The following LARP4B variants were observed in gnomAD, a reference collection of about 807,000 sequenced individuals.
The protein encoded by LARP4B is La ribonucleoprotein 4B.
Under a neutral mutation model 89.8 loss-of-function variants are expected in LARP4B, and 12 were observed. The observed-to-expected ratio is 0.13, with a 90% CI of 0.09 to 0.22. The LOEUF is 0.22. Ranked by LOEUF, LARP4B falls within the 10% of genes least tolerant of loss-of-function variation. The pLI is 1.00. For missense variants in LARP4B, 757 were observed against 947.7 expected, an observed-to-expected ratio of 0.80 and a Z score of 2.64; for synonymous variants, 367 against 363.3, an observed-to-expected ratio of 1.01 and a Z score of -0.12.
chr10:881,713 G>A (rs1747001291), intron 3 of LARP4B, among the ~76,000 whole-genome samples: 1 of 152,152 alleles, frequency 6.6e-6, no homozygotes, highest in African/African-American at 2.4e-5. Context: ...TGCTTGACTA[G>A]GGGCAAGATA....
intron 5 of LARP4B, among the ~76,000 whole-genome samples, chr10:858,815 A>C (rs1834438458): frequency 6.6e-6 from 1 of 152,234 alleles, no homozygotes; most frequent in African/African-American, 2.4e-5. Flanking sequence ...AATGCAAGCC[A>C]AAACTACAAA....
At chr10:846,845 T>A (rs1463742990) in intron 5 of LARP4B, among the ~76,000 whole-genome samples, 1 of 151,914 alleles carries the variant, frequency 6.6e-6, no homozygotes, top group Admixed American at 6.6e-5. Context: ...ACTCCCACCT[T>A]CAGCAGGAGG....
At chr10:977,569 G>A in the LARP4B span, among the ~76,000 whole-genome samples, 2 of 151,788 alleles carry the variant, frequency 1.3e-5, no homozygotes, top group Non-Finnish European at 2.9e-5. Context: ...AAGAGAGAGA[G>A]AGAGATCCTC....
At chr10:969,855 G>A in the LARP4B span, among the ~76,000 whole-genome samples, 2 of 152,228 alleles carry the variant, frequency 1.3e-5, no homozygotes, top group African/African-American at 4.8e-5. Flanking sequence ...GACCTCACAT[G>A]CAGCTGACGG....
At chr10:905,730 G>C (rs995327643) in intron 1 of LARP4B, among the ~76,000 whole-genome samples, 37 of 152,034 alleles carry the variant, frequency 2.4e-4, no homozygotes, top group Non-Finnish European at 1.2e-4. Context: ...AAGGAGGGCA[G>C]AATCAGCAGG....
At chr10:856,648 T>C (rs956749729) in intron 5 of LARP4B, among the ~76,000 whole-genome samples, 25 of 152,204 alleles carry the variant, frequency 1.6e-4, no homozygotes, top group Admixed American at 6.5e-5. Flanking sequence ...GTCTCAGTCA[T>C]TGGCGGGTGA....
At chr10:962,298 C>CA in the LARP4B span, among the ~76,000 whole-genome samples, 3,146 of 59,692 alleles carry the variant, frequency 0.053, 58 homozygotes, top group African/African-American at 0.091. Context: ...ACTCCATCTC[C>CA]AAAAAAAAAA....
downstream of LARP4B, chr10:808,627 A>T (rs565912351): frequency 6.6e-6 from 1 of 152,258 alleles, no homozygotes; most frequent in South Asian, 2.1e-4. Flanking sequence ...CACTGGTGAT[A>T]CTGGAAAAAG....
rs201773601 is a variant in LARP4B at position 814,888 on chromosome 10, C to T, written c.1821-38G>A. ...CACCCGATATTTGAATCTCATGCAA[C>T]ATCACAGGCCATTCAAGTCAGTCAA... On this transcript the variant is annotated intron_variant, in intron 16 of 17. Transcript: ENST00000316157. The surrounding 1 kb of genome is among the most constrained non-coding windows in gnomAD (Gnocchi z 4.4). The T allele has an allele frequency of 1.6e-3, 2,509 of 1,577,704 alleles. 6 individuals are homozygous for T. The highest frequency in any genetic ancestry group is 2.3e-3 in the South Asian group (196 of 86,454).
At chr10:888,337 C>CAAAAA (rs547831151) in intron 1 of LARP4B, among the ~76,000 whole-genome samples, 6 of 123,774 alleles carry the variant, frequency 4.8e-5, no homozygotes, top group African/African-American at 9.3e-5. Context: ...AACAAACAAA[C>CAAAAA]AAAAAAAAAA....
At chr10:855,220 T>C (rs1834243120) in intron 5 of LARP4B, among the ~76,000 whole-genome samples, 2 of 152,338 alleles carry the variant, frequency 1.3e-5, no homozygotes, top group African/African-American at 4.8e-5. Flanking sequence ...CTGGGTTCAC[T>C]GGAGGGGCAC....
intron 1 of LARP4B, among the ~76,000 whole-genome samples, chr10:899,284 T>C (rs1481547602): frequency 6.6e-6 from 1 of 152,214 alleles, no homozygotes; most frequent in Non-Finnish European, 1.5e-5. Context: ...GGGTTGACCT[T>C]AGAACAGACA....
chr10:847,033 C>T (rs539354779), intron 5 of LARP4B, among the ~76,000 whole-genome samples: 1 of 152,222 alleles, frequency 6.6e-6, no homozygotes, highest in East Asian at 1.9e-4. Flanking sequence ...CATTAAAGAG[C>T]TCGACAAATG....
At chr10:972,594 A>C in the LARP4B span, 17 of 457,248 alleles carry the variant, frequency 3.7e-5, no homozygotes, top group African/African-American at 2.8e-4. Context: ...AGTTAGACCA[A>C]GAAAGGGGTG....
In LARP4B at chr10:825,196, A is replaced by C; in HGVS notation, c.1353T>G (p.Ser451Arg). Reference sequence around the variant, plus strand: ...TTTGACCTGCTTGCCTTGTTTGTGGACTCCGGACACCATTAATTAATCGAT... The same window carrying C: ...TTTGACCTGCTTGCCTTGTTTGTGGCCTCCGGACACCATTAATTAATCGAT... Reference protein sequence around the residue: ...TADRLINGVRSPQTRQAGQTR... With the variant: ...TADRLINGVRRPQTRQAGQTR... Residue 451 changes from serine (S) to arginine (R), a missense_variant, in exon 13 of 18, where the codon AGT becomes AGG. Physicochemically the swap from Ser to Arg is moderately radical, Grantham distance 110. Coordinates refer to ENST00000316157, the MANE Select transcript of LARP4B (RefSeq NM_015155.3). 4 of 1,613,964 alleles carry C rather than the reference A, an allele frequency of 2.5e-6. No homozygotes were observed. The South Asian group carries it at 4.4e-5, about 18-fold the overall frequency.
intron 3 of LARP4B, among the ~76,000 whole-genome samples, chr10:883,704 C>G (rs1404852709): frequency 6.7e-6 from 1 of 150,342 alleles, no homozygotes; most frequent in Non-Finnish European, 1.5e-5. Context: ...GAGGCCAAGG[C>G]GGGAGGATCA....
chr10:882,116 G>A (rs974819727), intron 3 of LARP4B, among the ~76,000 whole-genome samples: 3 of 152,144 alleles, frequency 2.0e-5, no homozygotes, highest in Non-Finnish European at 4.4e-5. Flanking sequence ...GGTGGGCTGG[G>A]GGTTTAATGG....
chr10:898,076 G>A lies in LARP4B; in HGVS notation c.-39-12316C>T, dbSNP rs1366766099. ...ATATACAAATGGCCACCAAGCACAT[G>A]AAAAGATCGTCCACATCATTCGTCA... is the stretch of plus-strand genomic sequence containing the variant. On this transcript the variant is annotated intron_variant, in intron 1 of 17. Coordinates refer to ENST00000316157, the MANE Select transcript of LARP4B (RefSeq NM_015155.3). 8.7e-5 allele frequency among the ~76,000 whole-genome samples: 13 copies of A among 149,808 alleles called. No individual in the cohort carries two copies. In the South Asian group the frequency reaches 1.5e-3, roughly 17 times the overall value.
At chr10:889,282 G>C (rs1835948499) in intron 1 of LARP4B, among the ~76,000 whole-genome samples, 1 of 151,952 alleles carries the variant, frequency 6.6e-6, no homozygotes, top group African/African-American at 2.4e-5. Context: ...TCCAGTTCAG[G>C]GTAACAGGTG....
Sources: allele counts gnomAD v4.1 joint callset (sites outside exome capture counted in the v4.1 genomes callset), GRCh38; gene constraint gnomAD v4.1.1; non-coding constraint Gnocchi (gnomAD v3.1); transcripts MANE v1.5; gene names NCBI Gene and HGNC (gene_info 2026-07-23, HGNC 2026-07-21).